Variants in NHSL1 observed in about 807,000 individuals in gnomAD.
NHSL1 encodes the protein NHS-like protein 1.
Under a neutral mutation model 95.0 loss-of-function variants are expected in NHSL1, and 48 were observed. That is an observed-to-expected ratio of 0.51 (90% CI 0.40 to 0.64). The LOEUF is 0.64. Among genes scored for constraint, NHSL1 ranks in the 30% least tolerant of loss-of-function variants. The pLI, the probability that NHSL1 is intolerant of heterozygous loss-of-function variation, is 0.00. For missense variants in NHSL1, 1,971 were observed against 2,077.7 expected (o/e 0.95, Z 1.00); for synonymous variants, 783 against 833.9 (o/e 0.94, Z 1.05).
chr6:138,484,329 A>G (rs1779598508), intron 2 of NHSL1, among the ~76,000 whole-genome samples: 1 of 152,140 alleles, frequency 6.6e-6, no homozygotes, highest in African/African-American at 2.4e-5. Flanking sequence ...TGAAATGGAC[A>G]GGTTTCTTTG....
At position 138,566,267 on chromosome 6, in the gene NHSL1, G is replaced by A. The variant is rs928528645; in HGVS notation, c.202+5443C>T. On this transcript the variant is annotated intron_variant, in intron 1 of 6. Transcript: ENST00000427025. Reference sequence around the variant, plus strand: ...ATAAAAATTAGCCGGGCGTGGTGGCGGGTGCCTGTAATCCCAGCTACCCAG... The same window carrying A: ...ATAAAAATTAGCCGGGCGTGGTGGCAGGTGCCTGTAATCCCAGCTACCCAG... Among the ~76,000 whole-genome samples the A allele has an allele frequency of 3.0e-4, 45 of 151,496 alleles. 1 individual carries two copies. Among genetic ancestry groups the A allele is most frequent in the African/African-American group, 9.7e-4 (40 of 41,236 alleles).
At chr6:138,438,192 A>G (rs1360132066) in intron 5 of NHSL1, among the ~76,000 whole-genome samples, 1 of 152,190 alleles carries the variant, frequency 6.6e-6, no homozygotes, top group East Asian at 1.9e-4. Context: ...TTATTTTAGG[A>G]AACTGCCACA....
chr6:138,443,419 C>A (rs531505838), intron 4 of NHSL1, among the ~76,000 whole-genome samples: 33 of 152,164 alleles, frequency 2.2e-4, no homozygotes, highest in Non-Finnish European at 4.3e-4. Context: ...AGTGCAATGG[C>A]ATAAATGGCA....
At position 138,442,011 on chromosome 6, in the gene NHSL1, T is replaced by C. The variant is rs1257097096; in HGVS notation, c.636A>G (p.Gly212=). The part of the protein sequence containing the change: ...KKVKRRKTIT[G]VPDNIQKELA... Reference sequence around the variant, plus strand: ...GCTCCTTCTGTATGTTGTCAGGGACTCCTGTAATAGTCTTTCTCCTTTTGA... The same window carrying C: ...GCTCCTTCTGTATGTTGTCAGGGACCCCTGTAATAGTCTTTCTCCTTTTGA... Residue 212 remains glycine (G), a synonymous_variant, in exon 5 of 8, where the codon GGA becomes GGG. Transcript: ENST00000343505. 2 of 1,551,272 alleles carry C rather than the reference T, an allele frequency of 1.3e-6. No homozygotes were observed. Among genetic ancestry groups the C allele is most frequent in the East Asian group, 4.9e-5 (2 of 40,882 alleles).
chr6:138,633,082 T>C (rs1382911023), intron 1 of NHSL1, among the ~76,000 whole-genome samples: 3 of 151,620 alleles, frequency 2.0e-5, no homozygotes, highest in Admixed American at 6.6e-5. Context: ...TGCATCAGAG[T>C]CTTTTAATAG....
At chr6:138,499,866 A>G (rs1189068915), upstream of NHSL1, among the ~76,000 whole-genome samples, 1 of 152,192 alleles carries the variant, frequency 6.6e-6, no homozygotes, top group African/African-American at 2.4e-5. Flanking sequence ...TTGTTTCCCA[A>G]CCACGCCCCA....
chr6:138,455,088 C>T (rs923575952), intron 3 of NHSL1, among the ~76,000 whole-genome samples: 3 of 152,136 alleles, frequency 2.0e-5, no homozygotes, highest in African/African-American at 7.2e-5. Flanking sequence ...AATGACAGAC[C>T]CCAATTTTCT....
intron 1 of NHSL1, among the ~76,000 whole-genome samples, chr6:138,567,516 T>G (rs1214751763): frequency 1.3e-5 from 2 of 152,204 alleles, no homozygotes; most frequent in African/African-American, 4.8e-5. Flanking sequence ...GGATCTTGAC[T>G]TTTGACCTAG....
intron 1 of NHSL1, among the ~76,000 whole-genome samples, chr6:138,559,590 T>C (rs1387005504): frequency 2.0e-5 from 3 of 152,160 alleles, no homozygotes; most frequent in Non-Finnish European, 2.9e-5. Flanking sequence ...TACCAGGCCT[T>C]TCTCCAACAC....
At chr6:138,688,010 GGC>G (rs1490829035) in intron 1 of NHSL1, among the ~76,000 whole-genome samples, 1 of 152,220 alleles carries the variant, frequency 6.6e-6, no homozygotes, top group Non-Finnish European at 1.5e-5. Context: ...GGGGTGCAGT[GGC>G]GCCATCTCGG....
chr6:138,449,284 C>T (rs1777075489), intron 3 of NHSL1, among the ~76,000 whole-genome samples: 1 of 152,116 alleles, frequency 6.6e-6, no homozygotes, highest in African/African-American at 2.4e-5. Context: ...GTTTCCTTTG[C>T]TGTAAAATGG....
At chr6:138,427,927 C>T (rs899170415) in intron 7 of NHSL1, among the ~76,000 whole-genome samples, 3 of 152,226 alleles carry the variant, frequency 2.0e-5, no homozygotes, top group Admixed American at 2.0e-4. Context: ...GCAATCCATT[C>T]CTAAGGCCTA....
intron 2 of NHSL1, among the ~76,000 whole-genome samples, chr6:138,474,173 GA>G (rs1778927059): frequency 6.6e-6 from 1 of 152,190 alleles, no homozygotes; most frequent in African/African-American, 2.4e-5. Context: ...GGTGCTGTAA[GA>G]AAACTTCCAA....
At chr6:138,465,573 A>T (rs1336811975) in intron 3 of NHSL1, among the ~76,000 whole-genome samples, 2 of 152,142 alleles carry the variant, frequency 1.3e-5, no homozygotes, top group East Asian at 3.9e-4. Context: ...TATGCCAAAC[A>T]CTTATAACAG....
chr6:138,548,696 T>C (rs1782895665), upstream of NHSL1, among the ~76,000 whole-genome samples: 1 of 152,316 alleles, frequency 6.6e-6, no homozygotes, highest in South Asian at 2.1e-4. Flanking sequence ...AACTCAATAA[T>C]TTTTTATTTT....
At chr6:138,622,261 A>G (rs746514684) in intron 1 of NHSL1, among the ~76,000 whole-genome samples, 4 of 151,912 alleles carry the variant, frequency 2.6e-5, no homozygotes, top group Non-Finnish European at 5.9e-5. Context: ...CCAGCACTTT[A>G]GGAGGCCGAG....
intron 1 of NHSL1, among the ~76,000 whole-genome samples, chr6:138,602,747 T>C (rs1471770274): frequency 6.6e-6 from 1 of 152,246 alleles, no homozygotes; most frequent in Non-Finnish European, 1.5e-5. Flanking sequence ...GGGGCATTTA[T>C]CATTTCCCAT....
intron 1 of NHSL1, among the ~76,000 whole-genome samples, chr6:138,658,690 T>TTCCTTTGGATATATACCCAGTATATA (rs1356612532): frequency 1.3e-5 from 2 of 152,196 alleles, no homozygotes; most frequent in African/African-American, 4.8e-5. Flanking sequence ...TTTTTTTCAT[T>TTCCTTTGGATATATACCCAGTATATA]TCCTTTGGAT....
intron 2 of NHSL1, among the ~76,000 whole-genome samples, chr6:138,495,037 G>C (rs1327120379): frequency 6.6e-6 from 1 of 152,164 alleles, no homozygotes; most frequent in Admixed American, 6.5e-5. Flanking sequence ...GAGGTCAGGA[G>C]TTTGAGACTA....
Sources: gnomAD v4.1 joint callset for allele counts (sites outside exome capture counted in the v4.1 genomes callset) on GRCh38, gnomAD v4.1.1 for gene constraint, MANE v1.5 for transcripts, NCBI Gene and HGNC (gene_info 2026-07-23, HGNC 2026-07-21) for gene names.